ESR1: variants seen among roughly 807,000 people sequenced by gnomAD.
ESR1 encodes estrogen receptor 1.
A neutral mutation model predicts 52.7 loss-of-function variants in ESR1; 12 were observed. That is an observed-to-expected ratio of 0.23 (90% confidence interval 0.15 to 0.37). The LOEUF (loss-of-function observed/expected upper bound fraction) is 0.37. Among genes scored for constraint, ESR1 ranks in the 10% least tolerant of loss-of-function variants. The pLI is 1.00. For synonymous variants in ESR1, 305 were observed against 316.8 expected, an observed-to-expected ratio of 0.96 and a Z score of 0.39; for missense variants, 584 against 779.7, an observed-to-expected ratio of 0.75 and a Z score of 2.99.
rs117929924 is a variant in ESR1 at position 151,712,595 on chromosome 6, T to C, written c.-71+10590T>C. On this transcript the variant is annotated intron_variant, in intron 2 of 2. Coordinates refer to the ESR1 transcript ENST00000404742. ...TGTCTTCCTACATGTTTTATTCTCT[T>C]TGTAGCAATTGTGAATGGAAGTGCA... Among the ~76,000 whole-genome samples, 387 of 152,302 alleles carry C rather than the reference T, an allele frequency of 2.5e-3. 3 individuals are homozygous for C. Among genetic ancestry groups the C allele is most frequent in the Admixed American group, 0.017 (264 of 15,302 alleles).
intron 2 of ESR1, among the ~76,000 whole-genome samples, chr6:151,845,676 G>A (rs1784993189): frequency 6.6e-6 from 1 of 152,154 alleles, no homozygotes; most frequent in African/African-American, 2.4e-5. Flanking sequence ...CTATAAAAAT[G>A]CAATTCCACT....
At chr6:151,686,088 T>TTTAA (rs142764831), upstream of ESR1, among the ~76,000 whole-genome samples, 1 of 143,076 alleles carries the variant, frequency 7.0e-6, no homozygotes, top group East Asian at 2.4e-4. Flanking sequence ...TTTTTTTTTT[T>TTTAA]ATTTAGAGAC....
intron 6 of ESR1, among the ~76,000 whole-genome samples, chr6:152,089,360 G>A (rs1048539251): frequency 1.3e-5 from 2 of 152,038 alleles, no homozygotes; most frequent in Non-Finnish European, 2.9e-5. Flanking sequence ...ATTTACATCC[G>A]GTTGTATTGT....
At chr6:152,016,842 G>T (rs1469270296) in intron 5 of ESR1, among the ~76,000 whole-genome samples, 7 of 152,094 alleles carry the variant, frequency 4.6e-5, no homozygotes, top group Non-Finnish European at 1.0e-4. Context: ...CACTACCTCT[G>T]CAAGGTCAAC....
chr6:152,057,361 G>A (rs1219308931), intron 5 of ESR1, among the ~76,000 whole-genome samples: 1 of 152,148 alleles, frequency 6.6e-6, no homozygotes, highest in Non-Finnish European at 1.5e-5. Flanking sequence ...AATCATCAAA[G>A]TACATAATTT....
At chr6:151,880,938 AT>A (rs1208990053) in intron 3 of ESR1, among the ~76,000 whole-genome samples, 167 bp downstream of exon 3, 2 of 151,910 alleles carry the variant, frequency 1.3e-5, no homozygotes, top group East Asian at 3.9e-4. Context: ...AATCCATTTT[AT>A]TTTAAAAAGG....
intron 2 of ESR1, among the ~76,000 whole-genome samples, chr6:151,875,482 C>A (rs1158475853): frequency 6.6e-6 from 1 of 152,166 alleles, no homozygotes; most frequent in Admixed American, 6.5e-5. Flanking sequence ...TGTGAGAATG[C>A]GCTGGGCTCA....
intron 5 of ESR1, among the ~76,000 whole-genome samples, chr6:152,049,172 A>C (rs978713829): frequency 6.6e-5 from 10 of 152,242 alleles, no homozygotes; most frequent in African/African-American, 2.4e-4. Context: ...AGAAGTATAG[A>C]ATTCCATCTC....
intron 1 of ESR1, among the ~76,000 whole-genome samples, chr6:151,663,636 TC>T (rs1289971136): frequency 2.0e-5 from 3 of 152,172 alleles, no homozygotes; most frequent in African/African-American, 7.2e-5. Flanking sequence ...TTTCACTGTG[TC>T]CCCAGAACTG....
At chr6:152,047,059 C>T (rs375334664) in intron 5 of ESR1, among the ~76,000 whole-genome samples, 9 of 152,192 alleles carry the variant, frequency 5.9e-5, no homozygotes, top group Admixed American at 5.9e-4. Context: ...TATCTCCAAA[C>T]ATCTTGTCAC....
chr6:151,942,861 C>G (rs2035237955), intron 3 of ESR1, among the ~76,000 whole-genome samples: 1 of 152,078 alleles, frequency 6.6e-6, no homozygotes, highest in African/African-American at 2.4e-5. Context: ...AAGAATTATG[C>G]TGTCTGATAA....
chr6:152,034,898 T>C lies in ESR1; in HGVS notation c.1235+23104T>C, dbSNP rs552018499. 3.3e-5 allele frequency among the ~76,000 whole-genome samples: 5 copies of C among 152,314 alleles called. 1 individual carries two copies. In the South Asian group the frequency reaches 1.0e-3, roughly 32 times the overall value. ...ATCACATGGAACTTCAAAAGGATTCTTCTTCTTTGCTGCAATGTGTTTTGA... is the reference window on the plus strand; with the variant it reads ...ATCACATGGAACTTCAAAAGGATTCCTCTTCTTTGCTGCAATGTGTTTTGA... On this transcript the variant is annotated intron_variant, in intron 5 of 7. Coordinates refer to ENST00000206249, the MANE Select transcript of ESR1 (RefSeq NM_000125.4).
intron 1 of ESR1, among the ~76,000 whole-genome samples, chr6:151,814,390 G>T (rs984037762): frequency 2.6e-5 from 4 of 151,754 alleles, no homozygotes; most frequent in African/African-American, 9.7e-5. Context: ...AAGAGTTTTT[G>T]GCCTCTTTTA....
chr6:151,945,159 A>G (rs1223250695), intron 4 of ESR1, among the ~76,000 whole-genome samples: 1 of 152,196 alleles, frequency 6.6e-6, no homozygotes, highest in African/African-American at 2.4e-5. Flanking sequence ...TCAAAGCTAC[A>G]GTGAACCATG....
chr6:152,091,608 A>G (rs1486604605), intron 6 of ESR1, among the ~76,000 whole-genome samples: 1 of 152,166 alleles, frequency 6.6e-6, no homozygotes, highest in Non-Finnish European at 1.5e-5. Flanking sequence ...CTTAAGGAGG[A>G]TGGAACATTG....
intron 2 of ESR1, among the ~76,000 whole-genome samples, chr6:151,760,898 TA>T (rs1257618275): frequency 2.0e-5 from 3 of 152,378 alleles, no homozygotes; most frequent in East Asian, 3.9e-4. Context: ...TATTAAAAGA[TA>T]AAAAACTCTA....
At chr6:151,718,848 T>C (rs1781245911) in intron 2 of ESR1, among the ~76,000 whole-genome samples, 1 of 152,146 alleles carries the variant, frequency 6.6e-6, no homozygotes, top group Admixed American at 6.5e-5. Flanking sequence ...GGCTCTACCT[T>C]TTCTCTTTCT....
At chr6:151,787,102 C>G (rs1360482887) in intron 2 of ESR1, among the ~76,000 whole-genome samples, 1 of 152,202 alleles carries the variant, frequency 6.6e-6, no homozygotes, top group Non-Finnish European at 1.5e-5. Context: ...AGCCACCGTG[C>G]CTGGCTGCAT....
At chr6:151,911,756 C>A (rs1174488553) in intron 3 of ESR1, among the ~76,000 whole-genome samples, 1 of 152,230 alleles carries the variant, frequency 6.6e-6, no homozygotes, top group Non-Finnish European at 1.5e-5. Context: ...CTTCCCCACA[C>A]CAGTTAGCTG....
Sources: gnomAD v4.1 joint callset for allele counts (sites outside exome capture counted in the v4.1 genomes callset) on GRCh38, gnomAD v4.1.1 for gene constraint, MANE v1.5 for transcripts, NCBI Gene and HGNC (gene_info 2026-07-23, HGNC 2026-07-21) for gene names.